SPOCK3: variants seen among roughly 807,000 people sequenced by gnomAD.
SPOCK3 encodes the protein testican-3.
SPOCK3 carries 30 observed loss-of-function variants against 56.6 expected under a neutral mutation model. The ratio of observed to expected loss-of-function variants is 0.53; its 90% CI spans 0.40 to 0.72. SPOCK3 has a LOEUF of 0.72. Among genes scored for constraint, SPOCK3 ranks in the 30% least tolerant of loss-of-function variants. The probability of loss-of-function intolerance (pLI) is 0.00; values close to 1 mark genes in which losing one functional copy is unlikely to be tolerated. For synonymous variants in SPOCK3, 196 were observed against 183.3 expected, an observed-to-expected ratio of 1.07 and a Z score of -0.56; for missense variants, 527 against 530.0, an observed-to-expected ratio of 0.99 and a Z score of 0.06.
At chr4:166,962,173 A>G (rs895168508) in intron 4 of SPOCK3, among the ~76,000 whole-genome samples, 4 of 152,142 alleles carry the variant, frequency 2.6e-5, no homozygotes, top group African/African-American at 7.2e-5. Context: ...GAAATTTAAC[A>G]TATCATAAGG....
At chr4:166,870,942 T>C (rs1732402522) in intron 6 of SPOCK3, among the ~76,000 whole-genome samples, 1 of 152,048 alleles carries the variant, frequency 6.6e-6, no homozygotes, top group Non-Finnish European at 1.5e-5. Context: ...CATCTGGCAT[T>C]ACCCCTGCTC....
At chr4:166,861,974 C>T (rs1183899039) in intron 6 of SPOCK3, among the ~76,000 whole-genome samples, 2 of 152,016 alleles carry the variant, frequency 1.3e-5, no homozygotes, top group African/African-American at 2.4e-5. Context: ...TTCCCTTTTG[C>T]CCTTCTAGAA....
intron 2 of SPOCK3, among the ~76,000 whole-genome samples, chr4:167,115,227 G>A (rs548676028): frequency 6.7e-4 from 101 of 151,784 alleles, no homozygotes; most frequent in African/African-American, 2.2e-3. Context: ...TATCTGTGGC[G>A]GCTTTTATGC....
At chr4:167,007,274 C>T (rs953728071) in intron 3 of SPOCK3, among the ~76,000 whole-genome samples, 1 of 152,068 alleles carries the variant, frequency 6.6e-6, no homozygotes. Flanking sequence ...CGCAGATACT[C>T]AAGACCCTTA....
At chr4:167,209,986 C>T (rs13143783) in intron 2 of SPOCK3, among the ~76,000 whole-genome samples, 14,804 of 152,068 alleles carry the variant, frequency 0.097, 822 homozygotes, top group African/African-American at 0.14. Context: ...CAAAAGTCTT[C>T]CTCTGACTTT....
intron 3 of SPOCK3, among the ~76,000 whole-genome samples, chr4:167,053,228 T>C (rs79312492): frequency 7.9e-5 from 12 of 152,094 alleles, no homozygotes; most frequent in African/African-American, 2.9e-4. Flanking sequence ...TGTTTTTTTT[T>C]CTCAAAACTG....
At chr4:166,813,588 C>A (rs188525551) in intron 6 of SPOCK3, among the ~76,000 whole-genome samples, 27 of 151,524 alleles carry the variant, frequency 1.8e-4, no homozygotes, top group African/African-American at 6.3e-4. Context: ...ATTTTTATAA[C>A]ATAACATATG....
chr4:166,835,880 C>A (rs1006192033), intron 6 of SPOCK3, among the ~76,000 whole-genome samples: 1 of 151,988 alleles, frequency 6.6e-6, no homozygotes, highest in Non-Finnish European at 1.5e-5. Flanking sequence ...GTGGTGCATG[C>A]CTGTAATTCC....
At chr4:167,008,613 T>G (rs577863328) in intron 3 of SPOCK3, among the ~76,000 whole-genome samples, 2 of 152,218 alleles carry the variant, frequency 1.3e-5, no homozygotes, top group Admixed American at 6.5e-5. Flanking sequence ...TTCAAATGTC[T>G]TTTGTAAAAT....
chr4:167,156,676 G>A (rs556742802), intron 2 of SPOCK3, among the ~76,000 whole-genome samples: 1 of 152,282 alleles, frequency 6.6e-6, no homozygotes, highest in Non-Finnish European at 1.5e-5. Context: ...ACTGATGTGT[G>A]CATAATTTCC....
intron 2 of SPOCK3, among the ~76,000 whole-genome samples, chr4:167,207,691 T>A (rs1208450482): frequency 6.6e-6 from 1 of 152,170 alleles, no homozygotes; most frequent in Admixed American, 6.6e-5. Context: ...AATGTAAACC[T>A]ATTTCAATAA....
chr4:166,981,107 T>C (rs1746519682), intron 4 of SPOCK3, among the ~76,000 whole-genome samples: 1 of 152,228 alleles, frequency 6.6e-6, no homozygotes, highest in Admixed American at 6.5e-5. Context: ...AGCTCCTTTC[T>C]GCAGGCAGGT....
At chr4:166,835,543 C>T (rs1469025695) in intron 6 of SPOCK3, among the ~76,000 whole-genome samples, 1 of 151,848 alleles carries the variant, frequency 6.6e-6, no homozygotes, top group African/African-American at 2.4e-5. Flanking sequence ...TTCACTATTC[C>T]TCTTCTGTCA....
intron 4 of SPOCK3, among the ~76,000 whole-genome samples, chr4:166,925,290 AG>A (rs1738958420): frequency 6.6e-6 from 1 of 152,130 alleles, no homozygotes; most frequent in Non-Finnish European, 1.5e-5. Context: ...CTTAATTCTC[AG>A]GTCCTACATA....
At chr4:166,995,551 A>C (rs2150119713) in intron 4 of SPOCK3, among the ~76,000 whole-genome samples, 1 of 152,154 alleles carries the variant, frequency 6.6e-6, no homozygotes, top group South Asian at 2.1e-4. Context: ...TCTGAAATCT[A>C]CACTTTGTAT....
intron 2 of SPOCK3, among the ~76,000 whole-genome samples, chr4:167,223,937 A>G (rs1222907832): frequency 6.6e-6 from 1 of 152,006 alleles, no homozygotes; most frequent in Non-Finnish European, 1.5e-5. Context: ...CTCATTTGAT[A>G]TTTTGGGTGA....
At chr4:166,944,216 G>A (rs1231000851) in intron 4 of SPOCK3, among the ~76,000 whole-genome samples, 1 of 152,056 alleles carries the variant, frequency 6.6e-6, no homozygotes, top group Admixed American at 6.6e-5. Flanking sequence ...ACAGAGAAGT[G>A]TCTCTTTTTT....
At chr4:167,027,545 AC>A (rs1751809889) in intron 3 of SPOCK3, among the ~76,000 whole-genome samples, 1 of 151,924 alleles carries the variant, frequency 6.6e-6, no homozygotes, top group African/African-American at 2.4e-5. Context: ...GGGGAAATCA[AC>A]CCCCATGCAG....
intron 6 of SPOCK3, among the ~76,000 whole-genome samples, chr4:166,879,235 A>G (rs1282860803): frequency 6.6e-6 from 1 of 152,062 alleles, no homozygotes; most frequent in African/African-American, 2.4e-5. Flanking sequence ...TACCAATAAG[A>G]GTTATAGCCA....
Sources: allele counts gnomAD v4.1 joint callset (sites outside exome capture counted in the v4.1 genomes callset), GRCh38; gene constraint gnomAD v4.1.1; transcripts MANE v1.5; gene names NCBI Gene and HGNC (gene_info 2026-07-23, HGNC 2026-07-21).